Variants in ANO4 observed in about 807,000 individuals in gnomAD.
The protein encoded by ANO4 is anoctamin-4.
ANO4 carries 69 observed loss-of-function variants against 141.9 expected under a neutral mutation model. That is an observed-to-expected ratio of 0.49 (90% CI 0.40 to 0.59). The LOEUF (loss-of-function observed/expected upper bound fraction) is 0.59. ANO4 is among the 20% of genes least tolerant of loss of function. ANO4 has a pLI of 0.00. For synonymous variants in ANO4, 350 were observed against 394.3 expected (o/e 0.89, Z 1.33); for missense variants, 894 against 1,162.2 (o/e 0.77, Z 3.36).
At chr12:100,871,224 A>G (rs2135927031) in intron 1 of ANO4, among the ~76,000 whole-genome samples, 2 of 152,324 alleles carry the variant, frequency 1.3e-5, no homozygotes. Context: ...ACAAGATGAG[A>G]CAAAGAGGTA....
rs538348451 is a variant in ANO4 at position 101,086,550 on chromosome 12, A to T, written c.1537-110A>T. On this transcript the variant is annotated intron_variant, in intron 16 of 27. Coordinates refer to ENST00000392977, the MANE Select transcript of ANO4 (RefSeq NM_001286615.2). ...ATTTGATTGTGATCTCTTGAGCAGTACTGCCATGGTGTTACTTCCTTTTCC... is the reference window on the plus strand; with the variant it reads ...ATTTGATTGTGATCTCTTGAGCAGTTCTGCCATGGTGTTACTTCCTTTTCC... 355 of 1,174,230 alleles carry T rather than the reference A, an allele frequency of 3.0e-4. 3 individuals carry two copies. In the Admixed American group the frequency reaches 5.8e-3, roughly 19 times the overall value. The allele number at this position is 1,174,230 out of a possible 1,614,324, so 72.7% of individuals were successfully genotyped here. A position where few individuals can be genotyped will look rare whatever the true frequency, so the allele number is the denominator to read the frequency against.
chr12:101,109,121 C>T (rs150531394), intron 22 of ANO4, among the ~76,000 whole-genome samples: 20 of 152,242 alleles, frequency 1.3e-4, no homozygotes, highest in African/African-American at 3.6e-4. Flanking sequence ...AGGTTTGTCT[C>T]GTGCGTTTGC....
At chr12:100,757,289 G>A (rs2032654216) in intron 3 of ANO4, among the ~76,000 whole-genome samples, 1 of 152,110 alleles carries the variant, frequency 6.6e-6, no homozygotes. Context: ...TTTGTCACTT[G>A]TCTTCCTTGG....
intron 2 of ANO4, among the ~76,000 whole-genome samples, chr12:100,918,613 T>C (rs757940575): frequency 1.3e-5 from 2 of 152,298 alleles, no homozygotes; most frequent in Non-Finnish European, 2.9e-5. Flanking sequence ...GGTGTTGTAA[T>C]GTCATAGTGC....
At chr12:101,066,997 CAAA>C (rs34416390) in intron 14 of ANO4, 2,120 of 180,124 alleles carry the variant, frequency 0.012, no homozygotes, top group Middle Eastern at 0.024. Flanking sequence ...TAAAGTATAA[CAAA>C]AAAAAAAAAA....
At chr12:100,820,245 A>G (rs374063839) in intron 1 of ANO4, among the ~76,000 whole-genome samples, 100 of 151,898 alleles carry the variant, frequency 6.6e-4, no homozygotes, top group African/African-American at 2.3e-3. Flanking sequence ...TCTTCAACCT[A>G]TTAAAATCTT....
At chr12:100,757,396 A>G (rs2032658907) in intron 3 of ANO4, among the ~76,000 whole-genome samples, 1 of 152,084 alleles carries the variant, frequency 6.6e-6, no homozygotes, top group South Asian at 2.1e-4. Context: ...GTTGTTCCCA[A>G]TTGTGTTGTC....
intron 3 of ANO4, among the ~76,000 whole-genome samples, chr12:100,765,475 C>T (rs1182934659): frequency 6.7e-6 from 1 of 149,210 alleles, no homozygotes; most frequent in Non-Finnish European, 1.5e-5. Context: ...GCCTTCCAGG[C>T]TTAAACAATC....
At chr12:100,847,475 A>ATTTTTTTTTT (rs59985012) in intron 1 of ANO4, among the ~76,000 whole-genome samples, 1 of 136,898 alleles carries the variant, frequency 7.3e-6, no homozygotes, top group African/African-American at 2.7e-5. Flanking sequence ...GGCCAAGATA[A>ATTTTTTTTTT]TTTTTTTTTT....
chr12:100,917,573 A>G (rs1447802633), intron 2 of ANO4, among the ~76,000 whole-genome samples: 1 of 152,224 alleles, frequency 6.6e-6, no homozygotes, highest in Non-Finnish European at 1.5e-5. Flanking sequence ...TATAAGTTAA[A>G]GGTGGAGATT....
intron 17 of ANO4, among the ~76,000 whole-genome samples, chr12:101,088,192 CT>C (rs1351006410): frequency 1.3e-5 from 2 of 152,154 alleles, no homozygotes; most frequent in African/African-American, 2.4e-5. Flanking sequence ...CGCACTTGTC[CT>C]TTTGATGCTC....
chr12:101,042,221 G>C (rs2047435498), intron 11 of ANO4, 113 bp from the exon 12 acceptor site: 1 of 1,328,198 alleles, frequency 7.5e-7, no homozygotes, highest in African/African-American at 1.5e-5. Flanking sequence ...GGCTTACCTT[G>C]CTTGCAGTTT....
At chr12:100,836,561 A>G (rs2036931947) in intron 1 of ANO4, among the ~76,000 whole-genome samples, 1 of 143,998 alleles carries the variant, frequency 6.9e-6, no homozygotes, top group Admixed American at 7.6e-5. Context: ...CTTTCTGAAC[A>G]GGAGAGAAGC....
intron 1 of ANO4, among the ~76,000 whole-genome samples, chr12:100,731,189 A>G (rs2031365592): frequency 6.6e-6 from 1 of 152,172 alleles, no homozygotes; most frequent in South Asian, 2.1e-4. Flanking sequence ...TCAGACCTAT[A>G]CTTTCCACCA....
chr12:100,947,614 C>T (rs950794565), intron 5 of ANO4, among the ~76,000 whole-genome samples: 2 of 152,200 alleles, frequency 1.3e-5, no homozygotes, highest in African/African-American at 4.8e-5. Flanking sequence ...TAAACACACA[C>T]ACACATGCAT....
At chr12:100,966,872 TAC>T (rs1165381190) in intron 5 of ANO4, among the ~76,000 whole-genome samples, 3 of 116,228 alleles carry the variant, frequency 2.6e-5, no homozygotes, top group Admixed American at 8.2e-5. Context: ...TATATATATA[TAC>T]ACACACACAT....
chr12:101,109,548 T>C (rs1023449609), intron 22 of ANO4, among the ~76,000 whole-genome samples: 1 of 151,898 alleles, frequency 6.6e-6, no homozygotes, highest in African/African-American at 2.4e-5. Flanking sequence ...GGGACAGAGC[T>C]AGACTCTGTC....
chr12:100,732,819 G>A (rs1210093652), intron 1 of ANO4, among the ~76,000 whole-genome samples: 1 of 152,116 alleles, frequency 6.6e-6, no homozygotes, highest in Non-Finnish European at 1.5e-5. Flanking sequence ...GAGATGTAAG[G>A]GTGGCACCTA....
intron 3 of ANO4, among the ~76,000 whole-genome samples, chr12:100,749,112 G>A (rs2032246566): frequency 6.6e-6 from 1 of 152,150 alleles, no homozygotes; most frequent in Admixed American, 6.6e-5. Context: ...AGTGTTCCAA[G>A]CAGCAGGACA....
Sources: gnomAD v4.1 joint callset for allele counts (sites outside exome capture counted in the v4.1 genomes callset) on GRCh38, gnomAD v4.1.1 for gene constraint, MANE v1.5 for transcripts, NCBI Gene and HGNC (gene_info 2026-07-23, HGNC 2026-07-21) for gene names.